HAVCR2: variants seen among roughly 807,000 people sequenced by gnomAD.
HAVCR2 encodes the protein hepatitis A virus cellular receptor 2.
Under a neutral mutation model 24.7 loss-of-function variants are expected in HAVCR2, and 13 were observed. The ratio of observed to expected loss-of-function variants is 0.53; its 90% CI spans 0.34 to 0.84. The LOEUF (loss-of-function observed/expected upper bound fraction) is 0.84. HAVCR2 is among the 40% of genes least tolerant of loss of function. The pLI is 0.01. For synonymous variants in HAVCR2, 154 were observed against 143.4 expected (o/e 1.07, Z -0.53); for missense variants, 343 against 371.2 (o/e 0.92, Z 0.62).
intron 4 of HAVCR2, 79 bp downstream of exon 4, chr5:157,098,779 G>A: frequency 1.4e-5 from 18 of 1,306,554 alleles, no homozygotes; most frequent in Non-Finnish European, 2.0e-5. Context: ...CCAAGGACAA[G>A]GTGGGCATGA....
Position 157,099,042 on chromosome 5 carries a change from C to A in HAVCR2, c.479-141G>T, listed in dbSNP as rs538835883. ...AATGAATTCTACTCCGTACTTGTCACAATAATTAATGGAGAGACAGACAAA... is the reference window on the plus strand; with the variant it reads ...AATGAATTCTACTCCGTACTTGTCAAAATAATTAATGGAGAGACAGACAAA... On this transcript the variant is annotated intron_variant, in intron 3 of 6. Transcript: ENST00000307851. 1.1e-4 allele frequency: 81 copies of A among 746,608 alleles called. No individual in the cohort carries two copies. The East Asian group carries it at 2.3e-3, about 21-fold the overall frequency. The allele number at this position is 746,608 out of a possible 1,614,324, so 46.2% of individuals were successfully genotyped here.
intron 3 of HAVCR2, among the ~76,000 whole-genome samples, chr5:157,103,271 T>G (rs1330058950): frequency 6.6e-6 from 1 of 151,868 alleles, no homozygotes; most frequent in Non-Finnish European, 1.5e-5. Context: ...CTTGGGAGGC[T>G]GAGGCAGGAG....
At chr5:157,088,765 A>T (rs1235018146) in intron 6 of HAVCR2, among the ~76,000 whole-genome samples, 176 bp downstream of exon 6, 1 of 152,234 alleles carries the variant, frequency 6.6e-6, no homozygotes, top group Non-Finnish European at 1.5e-5. Context: ...GGTGTCAGGA[A>T]GTACACACAG....
chr5:157,107,535 G>T (rs564478466), intron 1 of HAVCR2, among the ~76,000 whole-genome samples: 1 of 152,292 alleles, frequency 6.6e-6, no homozygotes, highest in African/African-American at 2.4e-5. Context: ...GTTGTTTTAA[G>T]GTTTAAAGTT....
chr5:157,087,073 C>T lies in HAVCR2; in HGVS notation c.*29G>A, dbSNP rs755688710. Reference sequence around the variant, plus strand: ...CTCATAGTTTCTGAAAAAGACAAAACACCAAGCTCAAAAATAAGGTGGTTG... The same window carrying T: ...CTCATAGTTTCTGAAAAAGACAAAATACCAAGCTCAAAAATAAGGTGGTTG... On this transcript the variant is annotated 3_prime_UTR_variant, in exon 7 of 7. Transcript: ENST00000307851. 20 of 1,605,616 alleles carry T rather than the reference C, an allele frequency of 1.2e-5. 1 individual carries two copies. In the Admixed American group the frequency reaches 2.4e-4, roughly 19 times the overall value.
Position 157,098,876 on chromosome 5 carries a change from G to A in HAVCR2, c.504C>T (p.Leu168=), listed in dbSNP as rs763989763. The part of the protein sequence containing the change: ...GPAETQTLGS[L]PDINLTQIST... ...TACTTACTGTTAGATTTATATCAGG[G>A]AGGCTCCCCAGTGTCTGTGTCTCTG... Residue 168 remains leucine (L), a synonymous_variant, in exon 4 of 7, where the codon CTC becomes CTT. Transcript: ENST00000307851. The A allele has an allele frequency of 1.5e-5, 24 of 1,613,160 alleles. No homozygotes were observed. Among genetic ancestry groups the A allele is most frequent in the South Asian group, 8.8e-5 (8 of 91,012 alleles).
At chr5:157,098,772 A>G in intron 4 of HAVCR2, 86 bp downstream of exon 4, 1 of 1,256,928 alleles carries the variant, frequency 8.0e-7, no homozygotes, top group Non-Finnish European at 1.1e-6. Flanking sequence ...TTTTACCCCA[A>G]GGACAAGGTG....
At chr5:157,095,505 G>C (rs369829515) in intron 4 of HAVCR2, 46 bp from the exon 5 acceptor site, 1 of 1,606,510 alleles carries the variant, frequency 6.2e-7, no homozygotes, top group Non-Finnish European at 8.5e-7. Context: ...GCTAGAAATC[G>C]CTTGTGTAAT....
chr5:157,105,901 G>T (rs1581763403), intron 2 of HAVCR2, among the ~76,000 whole-genome samples: 1 of 152,052 alleles, frequency 6.6e-6, no homozygotes, highest in African/African-American at 2.4e-5. Context: ...AGAGATAGGG[G>T]TAGCCACAGT....
chr5:157,101,933 GCC>G (rs1757172919), intron 3 of HAVCR2, among the ~76,000 whole-genome samples: 1 of 146,448 alleles, frequency 6.8e-6, no homozygotes, highest in South Asian at 2.2e-4. Flanking sequence ...ATGCCACCAT[GCC>G]CGGCTATTTT....
At chr5:157,089,461 G>A (rs1416333459) in intron 5 of HAVCR2, among the ~76,000 whole-genome samples, 3 of 151,858 alleles carry the variant, frequency 2.0e-5, no homozygotes, top group Non-Finnish European at 2.9e-5. Context: ...ACATGAACCC[G>A]GGAGACGGAG....
chr5:157,092,850 G>A (rs937782903), intron 5 of HAVCR2, among the ~76,000 whole-genome samples: 2 of 120,054 alleles, frequency 1.7e-5, no homozygotes, highest in Non-Finnish European at 1.6e-5. Flanking sequence ...CCAATTTTCT[G>A]GGCAACATGG....
Position 157,095,401 on chromosome 5 carries a change from T to A in HAVCR2, c.581A>T (p.Asp194Val). 1 of 1,613,888 alleles carries A rather than the reference T, an allele frequency of 6.2e-7. No homozygotes were observed. The highest frequency in any genetic ancestry group is 1.1e-5 in the South Asian group (1 of 91,076). Residue 194 changes from aspartate (D) to valine (V), a missense_variant, in exon 5 of 7, where the codon GAC becomes GTC. Coordinates refer to ENST00000307851, the MANE Select transcript of HAVCR2 (RefSeq NM_032782.5). ...RDSRLANDLR[D>V]SGATIRIGIY... ...GCCTATTCTGATGGTTGCTCCAGAG[T>A]CCCGTAAGTCATTGGCCAATCTAGA...
At chr5:157,107,022 G>T in intron 1 of HAVCR2, 60 bp from the exon 2 acceptor site, 1 of 1,366,256 alleles carries the variant, frequency 7.3e-7, no homozygotes, top group Non-Finnish European at 1.0e-6. Context: ...CTCCATTTCA[G>T]GAAAACTGCA....
At chr5:157,106,359 T>C in intron 2 of HAVCR2, 1 of 420,072 alleles carries the variant, frequency 2.4e-6, no homozygotes, top group South Asian at 3.2e-5. Context: ...CTCGAATTCC[T>C]GACCTCATGA....
rs1483424299 is a variant in HAVCR2 at position 157,092,894 on chromosome 5, A to C, written c.676+2412T>G. Among the ~76,000 whole-genome samples, 83 of 80,596 alleles carry C rather than the reference A, an allele frequency of 1.0e-3. 1 individual carries two copies. The highest frequency in any genetic ancestry group is 5.3e-3 in the Middle Eastern group (1 of 188). The allele number at this position is 80,596 out of a possible 152,430, so 52.9% of individuals were successfully genotyped here. A position where few individuals can be genotyped will look rare whatever the true frequency, so the allele number is the denominator to read the frequency against. ...TGTCTCTACCAAAAAAAAAAAAAAAAAAAAAAAAAAAAAAAAAAAAAAAAC... is the reference window on the plus strand; with the variant it reads ...TGTCTCTACCAAAAAAAAAAAAAAACAAAAAAAAAAAAAAAAAAAAAAAAC... On this transcript the variant is annotated intron_variant, in intron 5 of 6. Coordinates refer to ENST00000307851, the MANE Select transcript of HAVCR2 (RefSeq NM_032782.5).
intron 1 of HAVCR2, among the ~76,000 whole-genome samples, chr5:157,108,592 T>C (rs2113697296): frequency 6.6e-6 from 1 of 152,238 alleles, no homozygotes; most frequent in South Asian, 2.1e-4. Context: ...TGGTTCCTTT[T>C]CCTAGAGCTT....
intron 6 of HAVCR2, 50 bp downstream of exon 6, chr5:157,088,891 G>A: frequency 6.8e-7 from 1 of 1,476,118 alleles, no homozygotes; most frequent in South Asian, 1.2e-5. Context: ...TGTTAGAGTA[G>A]GGACTTCCAA....
intron 1 of HAVCR2, among the ~76,000 whole-genome samples, chr5:157,108,309 C>A (rs987930977): frequency 2.0e-5 from 3 of 151,820 alleles, no homozygotes; most frequent in Admixed American, 2.0e-4. Flanking sequence ...ATGGTAAAAC[C>A]CTGTCTCTAC....
Sources: gnomAD v4.1 joint callset for allele counts (sites outside exome capture counted in the v4.1 genomes callset) on GRCh38, gnomAD v4.1.1 for gene constraint, MANE v1.5 for transcripts, NCBI Gene and HGNC (gene_info 2026-07-23, HGNC 2026-07-21) for gene names.